Variants in CEP164 observed in about 807,000 individuals in gnomAD.
CEP164 encodes centrosomal protein 164.
CEP164 carries 162 observed loss-of-function variants against 182.7 expected under a neutral mutation model. The ratio of observed to expected loss-of-function variants is 0.89; its 90% confidence interval spans 0.78 to 1.01. CEP164 has a LOEUF of 1.01. Ranked by LOEUF, CEP164 falls within the 50% of genes least tolerant of loss-of-function variation. The pLI is 0.00. For synonymous variants in CEP164, 661 were observed against 690.0 expected, an observed-to-expected ratio of 0.96 and a Z score of 0.66; for missense variants, 1,735 against 1,790.4, an observed-to-expected ratio of 0.97 and a Z score of 0.56.
chr11:117,339,119 C>T (rs1470303698), intron 3 of CEP164, among the ~76,000 whole-genome samples: 1 of 152,126 alleles, frequency 6.6e-6, no homozygotes, highest in Admixed American at 6.6e-5. Context: ...TGCCTGGCTA[C>T]TTGCCTATTT....
rs777152676 is a variant in CEP164 at position 117,381,777 on chromosome 11, C to A, written c.1486C>A (p.Gln496Lys). ...CCTGGCCACTGAAGAAGAGCCTCCC[C>A]AGGGCCCCGAGGGGCAGCCCGAGTG... ...RSLATEEEPP[Q>K]GPEGQPEWKE... Residue 496 changes from glutamine to lysine, a missense_variant, in exon 13 of 33, where the codon CAG becomes AAG. Transcript: ENST00000278935. 5 of 1,596,722 alleles carry A rather than the reference C, an allele frequency of 3.1e-6. No individual in the cohort carries two copies. The South Asian group carries it at 4.5e-5, about 14-fold the overall frequency.
At chr11:117,410,570 C>A in intron 30 of CEP164, 1 of 375,444 alleles carries the variant, frequency 2.7e-6, no homozygotes. Flanking sequence ...GGTCTCAGCC[C>A]TGCTGAGGAT....
At chr11:117,384,713 T>G (rs1729417906) in intron 14 of CEP164, 1 of 152,254 alleles carries the variant, frequency 6.6e-6, no homozygotes. Context: ...TGCCTTCTCT[T>G]CCTTTCCTGA....
intron 12 of CEP164, 52 bp from the exon 13 acceptor site, chr11:117,381,649 C>T (rs2136137303): frequency 1.3e-6 from 2 of 1,561,734 alleles, no homozygotes; most frequent in South Asian, 1.2e-5. Context: ...AGTTCTCTTC[C>T]CGCTCTCCAA....
At chr11:117,329,929 A>G (rs2035937328) in intron 1 of CEP164, among the ~76,000 whole-genome samples, 1 of 147,786 alleles carries the variant, frequency 6.8e-6, no homozygotes, top group Non-Finnish European at 1.5e-5. Context: ...GAGTGGATGA[A>G]GTGAGATGAT....
At position 117,351,955 on chromosome 11, in the gene CEP164, CAAG is replaced by C. The variant is rs1301741087; in HGVS notation, c.364_366del (p.Lys122del). The C allele has an allele frequency of 6.2e-7, 1 of 1,603,996 alleles. No homozygotes were observed. The highest frequency in any genetic ancestry group is 8.5e-7 in the Non-Finnish European group (1 of 1,175,090). ...AGAAAAAAAAAAAGGAAAAGAAAGA[CAAG>C]AAGGACAGAGACCCCCCCAAAAGTT... On this transcript the variant is annotated inframe_deletion, in exon 5 of 33. Coordinates refer to ENST00000278935, the MANE Select transcript of CEP164 (RefSeq NM_014956.5).
chr11:117,326,695 A>G (rs2134543471), upstream of CEP164, among the ~76,000 whole-genome samples: 1 of 152,334 alleles, frequency 6.6e-6, no homozygotes, highest in African/African-American at 2.4e-5. Flanking sequence ...CACAAGGAAT[A>G]TGCTCTGTAT....
chr11:117,340,874 C>G (rs1234284915), intron 3 of CEP164, among the ~76,000 whole-genome samples: 2 of 152,158 alleles, frequency 1.3e-5, no homozygotes, highest in African/African-American at 4.8e-5. Context: ...CACTTTGTCG[C>G]CCAGGCTGGA....
intron 22 of CEP164, 23 bp from the exon 23 acceptor site, chr11:117,395,100 A>G: frequency 6.2e-7 from 1 of 1,614,148 alleles, no homozygotes; most frequent in Non-Finnish European, 8.5e-7. Context: ...GTCAGCCAGA[A>G]AATCCTGTCT....
At chr11:117,355,909 G>A (rs1487686688) in intron 5 of CEP164, 5 of 1,042,296 alleles carry the variant, frequency 4.8e-6, no homozygotes, top group Non-Finnish European at 5.8e-6. Flanking sequence ...CTCCCGAGGA[G>A]CCTCCTGCCA....
intron 5 of CEP164, among the ~76,000 whole-genome samples, chr11:117,354,562 T>A (rs896611757): frequency 5.3e-5 from 8 of 152,164 alleles, no homozygotes; most frequent in Non-Finnish European, 1.0e-4. Flanking sequence ...CCCGAGGTAC[T>A]GAACTTCCCA....
intron 4 of CEP164, among the ~76,000 whole-genome samples, chr11:117,345,221 T>C (rs1592050279): frequency 6.6e-6 from 1 of 152,038 alleles, no homozygotes; most frequent in South Asian, 2.1e-4. Flanking sequence ...GAAACAGAGG[T>C]TTATGGAGAG....
chr11:117,390,551 G>A (rs1284918014), intron 15 of CEP164, among the ~76,000 whole-genome samples: 1 of 151,420 alleles, frequency 6.6e-6, no homozygotes, highest in African/African-American at 2.4e-5. Context: ...CGAGAGGATT[G>A]CTTAAGCCCA....
chr11:117,382,383 A>G (rs566971284), intron 13 of CEP164, among the ~76,000 whole-genome samples: 28 of 152,284 alleles, frequency 1.8e-4, no homozygotes, highest in African/African-American at 6.5e-4. Flanking sequence ...TCCAGCTGAG[A>G]GGACCTTTTT....
Position 117,394,793 on chromosome 11 carries a change from C to A in CEP164, c.2761-127C>A. 1 of 1,020,928 alleles carries A rather than the reference C, an allele frequency of 9.8e-7. No homozygotes were observed. The highest frequency in any genetic ancestry group is 1.5e-6 in the Non-Finnish European group (1 of 674,596). 63.2% of individuals were successfully genotyped at this position (1,020,928 alleles called of 1,614,324 possible). A position where few individuals can be genotyped will look rare whatever the true frequency, so the allele number is the denominator to read the frequency against. ...GCCTTCCTGGGAGGCTGCAGGGGCA[C>A]ACAGCGAGGAAGCCTGAGCCCAGAG... On this transcript the variant is annotated intron_variant, in intron 21 of 32. Coordinates refer to ENST00000278935, the MANE Select transcript of CEP164 (RefSeq NM_014956.5). The surrounding 1 kb of genome is among the most constrained non-coding windows in gnomAD (Gnocchi z 4.0).
chr11:117,375,607 T>C (rs750064086), intron 10 of CEP164, 101 bp from the exon 11 acceptor site: 9 of 884,648 alleles, frequency 1.0e-5, no homozygotes, highest in Non-Finnish European at 1.7e-5. Flanking sequence ...GGGCACATAA[T>C]AGACATCTTT....
chr11:117,330,037 T>G (rs11216357), intron 1 of CEP164, among the ~76,000 whole-genome samples: 23,874 of 151,792 alleles, frequency 0.16, 2,023 homozygotes, highest in Non-Finnish European at 0.18. Flanking sequence ...CACCTTATGA[T>G]TTTCTTCTTT....
At chr11:117,404,817 T>C (rs2046497365) in intron 27 of CEP164, among the ~76,000 whole-genome samples, 1 of 152,212 alleles carries the variant, frequency 6.6e-6, no homozygotes, top group Non-Finnish European at 1.5e-5. Flanking sequence ...AACCCCTGAC[T>C]GGGGCTGCTG....
At chr11:117,396,477 G>A (rs956298084) in intron 25 of CEP164, 73 bp from the exon 26 acceptor site, 1 of 1,228,248 alleles carries the variant, frequency 8.1e-7, no homozygotes, top group African/African-American at 1.5e-5. Context: ...ACTGGGAGGG[G>A]CTTTGGGGTC....
Sources: gnomAD v4.1 joint callset for allele counts (sites outside exome capture counted in the v4.1 genomes callset) on GRCh38, gnomAD v4.1.1 for gene constraint, Gnocchi (gnomAD v3.1) non-coding constraint, MANE v1.5 for transcripts, NCBI Gene and HGNC (gene_info 2026-07-23, HGNC 2026-07-21) for gene names.